LRRC72: variants seen among roughly 807,000 people sequenced by gnomAD.
LRRC72 encodes the protein leucine rich repeat containing 72.
A neutral mutation model predicts 35.8 loss-of-function variants in LRRC72; 41 were observed. That is an observed-to-expected ratio of 1.15 (90% CI 0.89 to 1.49). LRRC72 has a LOEUF of 1.49. LRRC72 is among the 40% of genes most tolerant of loss of function. The probability of loss-of-function intolerance (pLI) is 0.00; values close to 1 mark genes in which losing one functional copy is unlikely to be tolerated. For synonymous variants in LRRC72, 118 were observed against 119.2 expected (o/e 0.99, Z 0.07); for missense variants, 389 against 330.7 (o/e 1.18, Z -1.37).
At chr7:16,549,805 C>A (rs552003650) in intron 3 of LRRC72, among the ~76,000 whole-genome samples, 1 of 152,094 alleles carries the variant, frequency 6.6e-6, no homozygotes, top group African/African-American at 2.4e-5. Context: ...TTAGATGCTA[C>A]ACAGCCAAAA....
At chr7:16,575,928 TTTAACCAGATTGCTGGA>T (rs1433133087) in intron 7 of LRRC72, among the ~76,000 whole-genome samples, 1 of 152,254 alleles carries the variant, frequency 6.6e-6, no homozygotes, top group Non-Finnish European at 1.5e-5. Context: ...ATTTCTTTTG[TTTAACCAGATTGCTGGA>T]AGAACTATAA....
chr7:16,569,218 G>C (rs950985166), intron 7 of LRRC72, among the ~76,000 whole-genome samples: 1 of 151,164 alleles, frequency 6.6e-6, no homozygotes, highest in African/African-American at 2.4e-5. Context: ...ACCTGAGGTC[G>C]GGAGTTTAAG....
At chr7:16,575,914 C>T (rs968927332) in intron 7 of LRRC72, among the ~76,000 whole-genome samples, 7 of 152,172 alleles carry the variant, frequency 4.6e-5, no homozygotes, top group Non-Finnish European at 8.8e-5. Context: ...CTTTAGGGAT[C>T]TACATTTCTT....
At chr7:16,543,542 G>T (rs1782395529) in intron 3 of LRRC72, among the ~76,000 whole-genome samples, 2 of 152,018 alleles carry the variant, frequency 1.3e-5, no homozygotes, top group Admixed American at 1.3e-4. Flanking sequence ...TTGAGTTTTG[G>T]TACATACTCC....
intron 1 of LRRC72, chr7:16,530,557 C>G (rs77505261): frequency 0.053 from 8,000 of 152,242 alleles, 279 homozygotes; most frequent in East Asian, 0.1. Flanking sequence ...TAAAATTAAC[C>G]ATCAGACCAC....
At chr7:16,527,237 T>A (rs908226769) in intron 1 of LRRC72, among the ~76,000 whole-genome samples, 195 bp downstream of exon 1, 1 of 152,172 alleles carries the variant, frequency 6.6e-6, no homozygotes, top group African/African-American at 2.4e-5. Flanking sequence ...AAAATTGGGA[T>A]GTGAACAGCT....
intron 3 of LRRC72, among the ~76,000 whole-genome samples, chr7:16,556,938 C>A (rs1303361319): frequency 6.6e-6 from 1 of 152,070 alleles, no homozygotes; most frequent in African/African-American, 2.4e-5. Context: ...CCTACAGATG[C>A]AGAAATGGCC....
At chr7:16,567,686 G>T in intron 7 of LRRC72, 143 bp downstream of exon 7, 1 of 797,968 alleles carries the variant, frequency 1.3e-6, no homozygotes, top group Non-Finnish European at 1.8e-6. Flanking sequence ...TAATATATTT[G>T]CTAACCTTAT....
intron 3 of LRRC72, among the ~76,000 whole-genome samples, chr7:16,551,099 G>C (rs749030648): frequency 2.0e-5 from 3 of 152,120 alleles, no homozygotes; most frequent in Admixed American, 6.5e-5. Context: ...GGTCATTAGG[G>C]TGGGACCTAA....
At position 16,536,684 on chromosome 7, in the gene LRRC72, G is replaced by A. The variant is rs914181077; in HGVS notation, c.165-943G>A. 2.6e-5 allele frequency among the ~76,000 whole-genome samples: 4 copies of A among 151,976 alleles called. No homozygotes were observed. In the East Asian group the frequency reaches 7.7e-4, roughly 29 times the overall value. On this transcript the variant is annotated intron_variant, in intron 2 of 8. Coordinates refer to ENST00000401542, the MANE Select transcript of LRRC72 (RefSeq NM_001195280.2). ...TTATTTTGTTTAGAAATGGTTGCAT[G>A]CTTTCAAAAAATGTATGTTTTTATA...
chr7:16,575,917 C>T (rs977665004), intron 7 of LRRC72, among the ~76,000 whole-genome samples: 3 of 152,168 alleles, frequency 2.0e-5, no homozygotes, highest in Non-Finnish European at 4.4e-5. Context: ...TAGGGATCTA[C>T]ATTTCTTTTG....
chr7:16,576,027 G>A lies in LRRC72; in HGVS notation c.671-4047G>A, dbSNP rs181534650. On this transcript the variant is annotated intron_variant, in intron 7 of 8. Coordinates refer to ENST00000401542, the MANE Select transcript of LRRC72 (RefSeq NM_001195280.2). ...ACAAAATCAGGAGCAGAAAAGATAG[G>A]GAGAGTATTTTATTGCATTTGAAAC... Among the ~76,000 whole-genome samples the A allele has an allele frequency of 3.3e-5, 5 of 152,226 alleles. No individual in the cohort carries two copies. In the East Asian group the frequency reaches 9.6e-4, roughly 29 times the overall value.
intron 5 of LRRC72, among the ~76,000 whole-genome samples, chr7:16,561,184 G>A (rs1782738862): frequency 6.6e-6 from 1 of 152,006 alleles, no homozygotes; most frequent in Non-Finnish European, 1.5e-5. Context: ...GAACAAGAAA[G>A]ACCCAGTCTA....
intron 3 of LRRC72, among the ~76,000 whole-genome samples, chr7:16,551,655 T>C (rs942213438): frequency 1.3e-5 from 2 of 151,964 alleles, no homozygotes; most frequent in Non-Finnish European, 1.5e-5. Flanking sequence ...GCTGAACACA[T>C]GGAAGTTCCT....
At chr7:16,562,338 C>G (rs928040194) in intron 5 of LRRC72, among the ~76,000 whole-genome samples, 1 of 152,178 alleles carries the variant, frequency 6.6e-6, no homozygotes, top group Non-Finnish European at 1.5e-5. Context: ...TAACTCCTGC[C>G]CCCTTTCCAG....
At chr7:16,564,729 T>G (rs1233148272) in intron 5 of LRRC72, among the ~76,000 whole-genome samples, 2 of 152,302 alleles carry the variant, frequency 1.3e-5, no homozygotes, top group East Asian at 3.9e-4. Flanking sequence ...TATAACGCTT[T>G]TATTAGCCAG....
chr7:16,539,208 C>G (rs1000044380), intron 3 of LRRC72, among the ~76,000 whole-genome samples: 1 of 152,154 alleles, frequency 6.6e-6, no homozygotes, highest in Non-Finnish European at 1.5e-5. Flanking sequence ...GAGGTGATCT[C>G]AGATGGAGAT....
At chr7:16,532,158 G>C (rs1782177841) in intron 1 of LRRC72, among the ~76,000 whole-genome samples, 1 of 152,066 alleles carries the variant, frequency 6.6e-6, no homozygotes, top group Admixed American at 6.6e-5. Flanking sequence ...CATGTTCAAA[G>C]AATCATTTAA....
chr7:16,548,754 C>A (rs530868294), intron 3 of LRRC72, among the ~76,000 whole-genome samples: 5 of 152,358 alleles, frequency 3.3e-5, no homozygotes, highest in African/African-American at 1.2e-4. Flanking sequence ...TGGGCAGAAC[C>A]AGCCCAGCAG....
Sources: allele counts gnomAD v4.1 joint callset (sites outside exome capture counted in the v4.1 genomes callset), GRCh38; gene constraint gnomAD v4.1.1; transcripts MANE v1.5; gene names NCBI Gene and HGNC (gene_info 2026-07-23, HGNC 2026-07-21).